The following ANK1 variants were observed in gnomAD, a reference collection of about 807,000 sequenced individuals.
ANK1 encodes ankyrin 1.
ANK1 carries 51 observed loss-of-function variants against 210.4 expected under a neutral mutation model. The ratio of observed to expected loss-of-function variants is 0.24; its 90% CI spans 0.19 to 0.31. ANK1 has a LOEUF of 0.31. Among genes scored for constraint, ANK1 ranks in the 10% least tolerant of loss-of-function variants. The pLI, the probability that ANK1 is intolerant of heterozygous loss-of-function variation, is 1.00. For synonymous variants in ANK1, 967 were observed against 1,025.9 expected (o/e 0.94, Z 1.10); for missense variants, 2,051 against 2,504.4 (o/e 0.82, Z 3.86).
chr8:41,811,615 G>A (rs1326327931), intron 1 of ANK1, among the ~76,000 whole-genome samples: 23 of 152,192 alleles, frequency 1.5e-4, no homozygotes, highest in Admixed American at 1.5e-3. Context: ...CCAGGCCACA[G>A]GCCAGACCCT....
rs565190959 is a variant in ANK1, at chr8:41,879,157, A to G, written c.126+17198T>C. ...GGAAGAGAAGCCATAGAGAAATCAG[A>G]CATGTGTTCCTGTCCCAGCTCTGCC... is the stretch of plus-strand genomic sequence containing the variant. On this transcript the variant is annotated intron_variant, in intron 1 of 42. Coordinates refer to the ANK1 transcript ENST00000265709. Among the ~76,000 whole-genome samples, 124 of 152,310 alleles carry G rather than the reference A, an allele frequency of 8.1e-4. 2 individuals are homozygous for G. The South Asian group carries it at 0.018, about 23-fold the overall frequency.
rs1025401043 is a variant in ANK1, at chr8:41,679,554, C to A, written c.4537+4990G>T. 6.1e-4 allele frequency among the ~76,000 whole-genome samples: 60 copies of A among 99,090 alleles called. 1 individual carries two copies. Among genetic ancestry groups the A allele is most frequent in the African/African-American group, 2.1e-3 (59 of 28,248 alleles). 65.0% of individuals were successfully genotyped at this position (99,090 alleles called of 152,430 possible). A position where few individuals can be genotyped will look rare whatever the true frequency, so the allele number is the denominator to read the frequency against. ...CTCCAGCTGTCTTGGTCTTCCTGGA[C>A]TTTCTTTTTTTTTTTTTTTTTTTTT... is the stretch of plus-strand genomic sequence containing the variant. On this transcript the variant is annotated intron_variant, in intron 37 of 42. Transcript: ENST00000289734.
chr8:41,661,757 C>CA, intron 41 of ANK1, 119 bp downstream of exon 41: 1 of 1,610,622 alleles, frequency 6.2e-7, no homozygotes, highest in Non-Finnish European at 8.5e-7. Flanking sequence ...AGCAAGGCAG[C>CA]AGTGATGGCG....
At chr8:41,722,998 A>G (rs1170144443) in intron 9 of ANK1, 127 bp downstream of exon 9, 2 of 865,884 alleles carry the variant, frequency 2.3e-6, no homozygotes, top group Admixed American at 3.9e-5. Flanking sequence ...CTTGTAATAA[A>G]TGTCAAAGGT....
rs374077607 is a variant in ANK1, at chr8:41,704,007, A to T, written c.2295+34T>A. ...ACACAGGGCTGCTGCCATGGGGAGC[A>T]GTTTTCTAAACTCAGGAGAGAGAGT... On this transcript the variant is annotated intron_variant, in intron 20 of 42. Transcript: ENST00000289734. The surrounding 1 kb of genome is among the most constrained non-coding windows in gnomAD (Gnocchi z 4.1). The T allele has an allele frequency of 6.3e-7, 1 of 1,587,808 alleles. No individual in the cohort carries two copies. The highest frequency in any genetic ancestry group is 1.3e-5 in the African/African-American group (1 of 74,480).
chr8:41,747,391 C>T (rs1836457449), intron 2 of ANK1, among the ~76,000 whole-genome samples: 1 of 152,150 alleles, frequency 6.6e-6, no homozygotes, highest in Non-Finnish European at 1.5e-5. Context: ...CTTTGCCACA[C>T]TGTACCTTAT....
rs71548543 is a variant in ANK1, at chr8:41,663,098, G to GTGTCTC, written c.5478+560_5478+561insGAGACA. Among the ~76,000 whole-genome samples the GTGTCTC allele has an allele frequency of 1.3e-3, 194 of 145,158 alleles. No homozygotes were observed. The East Asian group carries it at 0.017, about 12-fold the overall frequency. On this transcript the variant is annotated intron_variant, in intron 40 of 42. Coordinates refer to ENST00000289734, the MANE Select transcript of ANK1 (RefSeq NM_000037.4). ...CCTGGCTAATTTTGTGTGTGTGTGTGTCTCTCTCTCTCTCTCTGTGTGTGT... is the reference window on the plus strand; with the variant it reads ...CCTGGCTAATTTTGTGTGTGTGTGTGTGTCTCTCTCTCTCTCTCTCTCTGTGTGTGT...
rs35569972 is a variant in ANK1, at chr8:41,749,295, C to CTT, written c.129+8739_129+8740dup. ...ATGAGCAGAGAAATTTCATCTTGGA[C>CTT]TTTTTTTTTTTTTTTTTTTTGAGAT... is the stretch of plus-strand genomic sequence containing the variant. On this transcript the variant is annotated intron_variant, in intron 2 of 42. Transcript: ENST00000289734. 7.1e-3 allele frequency among the ~76,000 whole-genome samples: 817 copies of CTT among 115,404 alleles called. 33 individuals carry two copies. The highest frequency in any genetic ancestry group is 0.023 in the Middle Eastern group (4 of 172). The allele number at this position is 115,404 out of a possible 152,430, so 75.7% of individuals were successfully genotyped here.
chr8:41,714,179 C>T lies in ANK1; in HGVS notation c.1777G>A (p.Gly593Ser), dbSNP rs748099893. Residue 593 changes from glycine (G) to serine (S), a missense_variant, in exon 16 of 43, where the codon GGC becomes AGC. Gly to Ser is a moderately conservative substitution (Grantham distance 56, BLOSUM62 0). Around this residue, in one of 6 missense-constraint regions of ANK1, gnomAD observed 1,413 missense variants for 1,707.4 expected, o/e 0.83. Coordinates refer to ENST00000289734, the MANE Select transcript of ANK1 (RefSeq NM_000037.4). ...ACCCAGGCAGGGCTGTGCGGGGAGC[C>T]GCCCCGGGGAAGCAGCAGCTTGACG... ...DIVKLLLPRG[G>S]SPHSPAWNGY... 7 of 1,450,626 alleles carry T rather than the reference C, an allele frequency of 4.8e-6. No individual in the cohort carries two copies. The highest frequency in any genetic ancestry group is 3.3e-5 in the South Asian group (2 of 60,990). 89.9% of individuals were successfully genotyped at this position (1,450,626 alleles called of 1,614,324 possible).
At chr8:41,665,011 C>G in intron 39 of ANK1, 1 of 1,613,732 alleles carries the variant, frequency 6.2e-7, no homozygotes, top group East Asian at 2.2e-5. Flanking sequence ...AGCTGGGTGA[C>G]GAAAGTCCAC....
intron 22 of ANK1, 52 bp from the exon 23 acceptor site, chr8:41,699,600 T>C (rs1027597871): frequency 1.5e-5 from 24 of 1,561,448 alleles, no homozygotes; most frequent in Non-Finnish European, 1.9e-5. Flanking sequence ...GAAGAGTCCC[T>C]CTTTTTTTAA....
upstream of ANK1, among the ~76,000 whole-genome samples, chr8:41,801,082 T>C (rs1849791256): frequency 6.6e-6 from 1 of 152,242 alleles, no homozygotes; most frequent in Non-Finnish European, 1.5e-5. Flanking sequence ...CACTGCTGTG[T>C]GATATCCCAT....
chr8:41,741,126 G>T (rs1834686812), intron 2 of ANK1, among the ~76,000 whole-genome samples: 1 of 152,204 alleles, frequency 6.6e-6, no homozygotes, highest in Non-Finnish European at 1.5e-5. Flanking sequence ...CCCCATGGAG[G>T]TAGGGGAGGG....
In ANK1 at chr8:41,684,575, G is replaced by A. The variant is rs34265667; in HGVS notation, c.4506C>T (p.Arg1502=). 45,105 of 1,613,766 alleles carry A rather than the reference G, an allele frequency of 0.028. 737 individuals are homozygous for A. Among genetic ancestry groups the A allele is most frequent in the Non-Finnish European group, 0.032 (37,753 of 1,180,030 alleles). ...TCTGGGAGGGTGACAGCGAGTAGTC[G>A]CGGTCGGTGTGCCGCCTGTCTGGCT... ...NLKPDRRHTD[R]DYSLSPSQMN... The change falls in exon 37 of 43, where the codon CGC becomes CGT. Residue 1502 remains arginine, a synonymous_variant. Transcript: ENST00000289734.
At chr8:41,776,513 G>A (rs1844082363) in intron 1 of ANK1, among the ~76,000 whole-genome samples, 1 of 152,202 alleles carries the variant, frequency 6.6e-6, no homozygotes, top group Non-Finnish European at 1.5e-5. Context: ...AAGCTCCAGG[G>A]AGCTGGTGCT....
In ANK1 at chr8:41,696,558, C is replaced by T. The variant is rs772217562; in HGVS notation, c.2765G>A (p.Arg922Gln). 32 of 1,613,834 alleles carry T rather than the reference C, an allele frequency of 2.0e-5. No individual in the cohort carries two copies. In the Admixed American group the frequency reaches 4.0e-4, roughly 20 times the overall value. ...GCGACTTCCTCTCATGGAACCACCCCGGGCGTCAACCATGAAGCTCACCAG... is the reference window on the plus strand; with the variant it reads ...GCGACTTCCTCTCATGGAACCACCCTGGGCGTCAACCATGAAGCTCACCAG... ...GFLVSFMVDARGGSMRGSRHN... is the reference protein window; with the variant it reads ...GFLVSFMVDAQGGSMRGSRHN... The change falls in exon 26 of 43, where the codon CGG becomes CAG. Residue 922 changes from arginine to glutamine, a missense_variant. By Grantham distance (43) the Arg-to-Gln change is conservative. This residue lies in a region of ANK1 where 1,413 missense variants were observed against 1,707.4 expected (regional missense o/e 0.83). Coordinates refer to ENST00000289734, the MANE Select transcript of ANK1 (RefSeq NM_000037.4).
chr8:41,731,059 C>T (rs1042824668), intron 3 of ANK1, among the ~76,000 whole-genome samples: 1 of 152,142 alleles, frequency 6.6e-6, no homozygotes, highest in African/African-American at 2.4e-5. Flanking sequence ...GCTGAGCCAA[C>T]GGTAGCATAA....
chr8:41,875,201 G>A (rs1057058611), intron 1 of ANK1, among the ~76,000 whole-genome samples: 12 of 152,136 alleles, frequency 7.9e-5, no homozygotes, highest in African/African-American at 7.2e-5. Flanking sequence ...CAGATGCGGG[G>A]GCTCCTGCAC....
intron 1 of ANK1, among the ~76,000 whole-genome samples, chr8:41,766,444 C>T (rs1222205833): frequency 6.6e-6 from 1 of 152,230 alleles, no homozygotes; most frequent in Non-Finnish European, 1.5e-5. Flanking sequence ...TGTCTCCAGG[C>T]TCCCCAGTCT....
Sources: allele counts gnomAD v4.1 joint callset (sites outside exome capture counted in the v4.1 genomes callset), GRCh38; gene constraint gnomAD v4.1.1; regional missense constraint gnomAD v4.1.1; non-coding constraint Gnocchi (gnomAD v3.1); transcripts MANE v1.5; gene names NCBI Gene and HGNC (gene_info 2026-07-23, HGNC 2026-07-21).